Variants in CYBA observed in about 807,000 individuals in gnomAD.
The protein encoded by CYBA is cytochrome b-245 alpha chain.
In CYBA, 21 loss-of-function variants were observed where a neutral mutation model predicts 20.8. The observed-to-expected ratio is 1.01, with a 90% confidence interval of 0.72 to 1.46. CYBA has a LOEUF of 1.46. Ranked by LOEUF, CYBA falls within the 40% of genes most tolerant of loss-of-function variation. The pLI is 0.00. For synonymous variants in CYBA, 164 were observed against 127.5 expected, an observed-to-expected ratio of 1.29 and a Z score of -1.93; for missense variants, 344 against 287.0, an observed-to-expected ratio of 1.20 and a Z score of -1.43.
chr16:88,645,945 C>CCACTGCCTG, intron 5 of CYBA, 171 bp downstream of exon 5: 2 of 621,268 alleles, frequency 3.2e-6, no homozygotes, highest in Non-Finnish European at 5.7e-6. Flanking sequence ...AAAATGGCAG[C>CCACTGCCTG]AGCAACCGCT....
chr16:88,648,704 G>A (rs372604757), intron 1 of CYBA, among the ~76,000 whole-genome samples: 89 of 142,476 alleles, frequency 6.2e-4, no homozygotes, highest in East Asian at 4.1e-3. Flanking sequence ...TGCTACCTCC[G>A]CCTCCAGGGT....
At chr16:88,649,156 C>T (rs532838026) in intron 1 of CYBA, among the ~76,000 whole-genome samples, 4 of 151,950 alleles carry the variant, frequency 2.6e-5, no homozygotes, top group Non-Finnish European at 4.4e-5. Flanking sequence ...CCAGGATGGT[C>T]TCGATCTCCT....
At chr16:88,645,031 A>G (rs1597371366) in intron 5 of CYBA, 2 of 629,530 alleles carry the variant, frequency 3.2e-6, no homozygotes, top group East Asian at 2.7e-5. Flanking sequence ...AGATGGGGCC[A>G]CATGGCTGGT....
chr16:88,644,945 C>A, intron 5 of CYBA: 2 of 584,170 alleles, frequency 3.4e-6, no homozygotes, highest in South Asian at 4.1e-5. Context: ...CAGAGAAGGG[C>A]GAGTCCAAGC....
In CYBA at chr16:88,645,996, T is replaced by C. The variant is rs1159524859; in HGVS notation, c.369+120A>G. 3.8e-5 allele frequency: 33 copies of C among 857,434 alleles called. No individual in the cohort carries two copies. The Admixed American group carries it at 6.8e-4, about 18-fold the overall frequency. The allele number at this position is 857,434 out of a possible 1,614,324, so 53.1% of individuals were successfully genotyped here. ...TGTGAGCACACGCCCAGGCTCACACTTGCTCCCAGCCTTGGCTCAGCCTAC... is the reference window on the plus strand; with the variant it reads ...TGTGAGCACACGCCCAGGCTCACACCTGCTCCCAGCCTTGGCTCAGCCTAC... On this transcript the variant is annotated intron_variant, in intron 5 of 5. Coordinates refer to ENST00000261623, the MANE Select transcript of CYBA (RefSeq NM_000101.4).
rs545032463 is a variant in CYBA, at chr16:88,644,906, A to T, written c.369+1210T>A. On this transcript the variant is annotated intron_variant, in intron 5 of 5. Coordinates refer to ENST00000261623, the MANE Select transcript of CYBA (RefSeq NM_000101.4). ...GATTTGAACAGGCAACTCAAGGGAG[A>T]AGAAACTCCAACAGCTCAAATCCAC... The T allele has an allele frequency of 7.3e-6, 4 of 550,140 alleles. No homozygotes were observed. The East Asian group carries it at 1.2e-4, about 16-fold the overall frequency. The allele number at this position is 550,140 out of a possible 1,614,324, so 34.1% of individuals were successfully genotyped here.
Position 88,646,206 on chromosome 16 carries a change from C to T in CYBA, c.288-9G>A, listed in dbSNP as rs752178670. 1 of 1,454,556 alleles carries T rather than the reference C, an allele frequency of 6.9e-7. No homozygotes were observed. The allele number at this position is 1,454,556 out of a possible 1,614,324, so 90.1% of individuals were successfully genotyped here. On this transcript the variant is annotated splice_polypyrimidine_tract_variant and intron_variant, in intron 4 of 5. Coordinates refer to ENST00000261623, the MANE Select transcript of CYBA (RefSeq NM_000101.4). ...CGGCGGGCACCGAGAGCCTGGGGGA[C>T]AGCGGGTGAGAGGCAGGGACACAGA...
In CYBA at chr16:88,646,858, G is replaced by C. The variant is rs374947604; in HGVS notation, c.204-20C>G. ...TGTCCCCTGGGGGAGGGAGGAAGGC[G>C]AGACGGCGCGGCTGGGCCTCTCCCA... On this transcript the variant is annotated intron_variant, in intron 3 of 5. Coordinates refer to ENST00000261623, the MANE Select transcript of CYBA (RefSeq NM_000101.4). 9 of 1,597,882 alleles carry C rather than the reference G, an allele frequency of 5.6e-6. No individual in the cohort carries two copies. The highest frequency in any genetic ancestry group is 2.2e-5 in the East Asian group (1 of 44,792).
At chr16:88,650,615 TC>T in intron 1 of CYBA, 1 of 519,058 alleles carries the variant, frequency 1.9e-6, no homozygotes, top group East Asian at 4.2e-5. Context: ...CTCGGGGGCT[TC>T]GGGGCGGTGA....
intron 1 of CYBA, 43 bp downstream of exon 1, chr16:88,650,912 AC>A: frequency 6.4e-7 from 1 of 1,554,954 alleles, no homozygotes. Context: ...GTCTTGGGAC[AC>A]CCCTCCAGGC....
intron 5 of CYBA, 24 bp downstream of exon 5, chr16:88,646,092 C>T (rs754617535): frequency 6.5e-6 from 10 of 1,541,160 alleles, no homozygotes; most frequent in African/African-American, 1.4e-5. Context: ...GTGGCCGGGG[C>T]CGACCTCAGA....
At chr16:88,645,525 G>A in intron 5 of CYBA, 2 of 665,276 alleles carry the variant, frequency 3.0e-6, no homozygotes, top group Non-Finnish European at 5.5e-6. Context: ...CTGTTCCGGA[G>A]CCCAGGGCAG....
chr16:88,651,028 G>T lies in CYBA; in HGVS notation c.-15C>A. 6.3e-7 allele frequency: 1 copy of T among 1,589,802 alleles called. No individual in the cohort carries two copies. The highest frequency in any genetic ancestry group is 8.5e-7 in the Non-Finnish European group (1 of 1,170,976). ...ATCTGCCCCATGGCGACACGAACCC[G>T]GCTGGGACACTGCTAGGCGCGCACT... is the stretch of plus-strand genomic sequence containing the variant. On this transcript the variant is annotated 5_prime_UTR_variant, in exon 1 of 6. Transcript: ENST00000261623.
intron 1 of CYBA, chr16:88,650,717 GA>G: frequency 1.6e-6 from 1 of 613,888 alleles, no homozygotes; most frequent in Non-Finnish European, 2.9e-6. Flanking sequence ...GGGAATGGGG[GA>G]GGGGCGCCGC....
chr16:88,650,890 G>A (rs1043984867), intron 1 of CYBA, 66 bp downstream of exon 1: 57 of 1,503,458 alleles, frequency 3.8e-5, no homozygotes, highest in Non-Finnish European at 5.0e-5. Flanking sequence ...GTAGCCCGAG[G>A]TCCCGGCTGG....
rs933701832 is a variant in CYBA, at chr16:88,643,545, C to T, written c.396G>A (p.Thr132=). 13 of 1,534,604 alleles carry T rather than the reference C, an allele frequency of 8.5e-6. No individual in the cohort carries two copies. Among genetic ancestry groups the T allele is most frequent in the African/African-American group, 2.7e-5 (2 of 72,986 alleles). Residue 132 remains threonine (T), a synonymous_variant, in exon 6 of 6, where the codon ACG becomes ACA. Transcript: ENST00000261623. This position sits in a 1 kb window ranked among gnomAD's most constrained non-coding sequence, Gnocchi z 4.3. ...GCTCCCGGGGCTTGGGCTCGATGGG[C>T]GTCCACTGCTCGCCACGCACAGCCG... The part of the protein sequence containing the change: ...LLAAVRGEQW[T]PIEPKPRERP...
intron 2 of CYBA, 95 bp from the exon 3 acceptor site, chr16:88,647,270 G>A (rs1468372754): frequency 2.6e-5 from 31 of 1,212,794 alleles, no homozygotes; most frequent in Non-Finnish European, 3.1e-5. Flanking sequence ...GCCCGAGCAC[G>A]GTGGCTCATG....
chr16:88,650,873 C>A, intron 1 of CYBA, 83 bp downstream of exon 1: 1 of 1,446,046 alleles, frequency 6.9e-7, no homozygotes. Context: ...ACTTCCCCAC[C>A]CTGTAAGTAG....
rs541288421 is a variant in CYBA, at chr16:88,646,097, C to T, written c.369+19G>A. 6 of 1,545,798 alleles carry T rather than the reference C, an allele frequency of 3.9e-6. No homozygotes were observed. In the South Asian group the frequency reaches 7.1e-5, roughly 18 times the overall value. On this transcript the variant is annotated intron_variant, in intron 5 of 5. Coordinates refer to ENST00000261623, the MANE Select transcript of CYBA (RefSeq NM_000101.4). Reference sequence around the variant, plus strand: ...GGGGATGGGGGTGGCCGGGGCCGACCTCAGAGGGCGCCACTCACCAGTAGG... The same window carrying T: ...GGGGATGGGGGTGGCCGGGGCCGACTTCAGAGGGCGCCACTCACCAGTAGG...
Sources: gnomAD v4.1 joint callset for allele counts (sites outside exome capture counted in the v4.1 genomes callset) on GRCh38, gnomAD v4.1.1 for gene constraint, Gnocchi (gnomAD v3.1) non-coding constraint, MANE v1.5 for transcripts, NCBI Gene and HGNC (gene_info 2026-07-23, HGNC 2026-07-21) for gene names.